Variants in EDAR observed in about 807,000 individuals in gnomAD.
EDAR encodes ectodysplasin A receptor, also known as tumor necrosis factor receptor superfamily member EDAR.
Under a neutral mutation model 51.3 loss-of-function variants are expected in EDAR, and 38 were observed. That is an observed-to-expected ratio of 0.74 (90% CI 0.57 to 0.97). The LOEUF (loss-of-function observed/expected upper bound fraction) is 0.97. Ranked by LOEUF, EDAR falls within the 50% of genes least tolerant of loss-of-function variation. The pLI is 0.00. For synonymous variants in EDAR, 227 were observed against 242.1 expected (o/e 0.94, Z 0.58); for missense variants, 528 against 595.0 (o/e 0.89, Z 1.17).
intron 1 of EDAR, 148 bp downstream of exon 1, chr2:108,988,812 A>G (rs780278314): frequency 5.3e-5 from 8 of 152,246 alleles, no homozygotes; most frequent in Non-Finnish European, 1.0e-4. Flanking sequence ...TAGCGCAGAC[A>G]TACTGCAATC....
intron 1 of EDAR, among the ~76,000 whole-genome samples, chr2:108,957,705 C>T (rs1478760709): frequency 6.6e-6 from 1 of 152,242 alleles, no homozygotes; most frequent in African/African-American, 2.4e-5. Context: ...ACCGGGCCTA[C>T]CAGGCGAGGC....
chr2:108,986,330 G>A (rs1240129422), intron 1 of EDAR, among the ~76,000 whole-genome samples: 1 of 152,198 alleles, frequency 6.6e-6, no homozygotes, highest in Non-Finnish European at 1.5e-5. Context: ...TCTGAGGACA[G>A]GAGATGAGTG....
intron 10 of EDAR, among the ~76,000 whole-genome samples, chr2:108,907,412 G>A (rs1292610045): frequency 3.3e-5 from 5 of 152,104 alleles, no homozygotes; most frequent in Admixed American, 6.5e-5. Flanking sequence ...TTGGAAGGCC[G>A]AGGCGGGTGG....
At chr2:108,917,344 C>T (rs565870411) in intron 5 of EDAR, among the ~76,000 whole-genome samples, 3 of 152,234 alleles carry the variant, frequency 2.0e-5, no homozygotes, top group East Asian at 1.9e-4. Flanking sequence ...AGCTCTGGCA[C>T]GCTGCAGGGT....
intron 4 of EDAR, among the ~76,000 whole-genome samples, chr2:108,927,422 C>A (rs570907782): frequency 6.6e-6 from 1 of 152,310 alleles, no homozygotes; most frequent in East Asian, 1.9e-4. Flanking sequence ...GAGCTCACCA[C>A]CCTTCCAGTG....
intron 8 of EDAR, 93 bp from the exon 9 acceptor site, chr2:108,910,625 C>T (rs1282339035): frequency 1.4e-6 from 2 of 1,409,470 alleles, no homozygotes; most frequent in African/African-American, 1.4e-5. Flanking sequence ...TTGGGCAGAG[C>T]TGCCCGGTGT....
intron 1 of EDAR, among the ~76,000 whole-genome samples, chr2:108,984,113 T>C (rs1698460400): frequency 6.6e-6 from 1 of 152,194 alleles, no homozygotes; most frequent in Non-Finnish European, 1.5e-5. Flanking sequence ...ATAATTTTTC[T>C]CAGAATGGAT....
intron 1 of EDAR, among the ~76,000 whole-genome samples, chr2:108,944,788 G>A (rs1424274761): frequency 6.6e-6 from 1 of 152,180 alleles, no homozygotes; most frequent in Non-Finnish European, 1.5e-5. Flanking sequence ...AGGTCACAGA[G>A]TCAAGGGAGA....
intron 1 of EDAR, among the ~76,000 whole-genome samples, chr2:108,956,074 G>C (rs181670950): frequency 6.6e-6 from 1 of 152,014 alleles, no homozygotes; most frequent in Non-Finnish European, 1.5e-5. Flanking sequence ...AACACTGTTC[G>C]GGCTACTTGT....
intron 4 of EDAR, among the ~76,000 whole-genome samples, chr2:108,928,712 T>C (rs1055014346): frequency 6.6e-5 from 10 of 152,238 alleles, no homozygotes; most frequent in African/African-American, 2.4e-4. Context: ...TTTATCTTTC[T>C]CTCTTTCAGG....
intron 1 of EDAR, among the ~76,000 whole-genome samples, chr2:108,936,324 A>G (rs1697467788): frequency 6.6e-6 from 1 of 152,238 alleles, no homozygotes; most frequent in South Asian, 2.1e-4. Flanking sequence ...GGCCTGGCCC[A>G]GCAGGGCTTG....
intron 4 of EDAR, among the ~76,000 whole-genome samples, chr2:108,925,149 C>T (rs1346169848): frequency 6.6e-6 from 1 of 152,244 alleles, no homozygotes; most frequent in Non-Finnish European, 1.5e-5. Flanking sequence ...TGGTCCCGCT[C>T]CTGGGCTGGG....
At chr2:108,961,167 C>A (rs1230631596) in intron 1 of EDAR, among the ~76,000 whole-genome samples, 1 of 152,200 alleles carries the variant, frequency 6.6e-6, no homozygotes, top group Non-Finnish European at 1.5e-5. Context: ...TGGGCCTGGC[C>A]CTGACTGGGT....
intron 1 of EDAR, among the ~76,000 whole-genome samples, chr2:108,937,632 T>G (rs9967881): frequency 0.015 from 2,224 of 149,996 alleles, 25 homozygotes; most frequent in South Asian, 0.031. Context: ...GTCTGTATGT[T>G]TATGTTTGTG....
At chr2:108,901,499 A>G (rs1383604037) in intron 11 of EDAR, among the ~76,000 whole-genome samples, 1 of 152,226 alleles carries the variant, frequency 6.6e-6, no homozygotes, top group Non-Finnish European at 1.5e-5. Flanking sequence ...TGAAATTGAA[A>G]ACTATAAAGT....
chr2:108,984,650 C>G (rs527562487), intron 1 of EDAR, among the ~76,000 whole-genome samples: 160 of 152,260 alleles, frequency 1.1e-3, no homozygotes, highest in African/African-American at 3.7e-3. Context: ...CCCACTACTA[C>G]CCTGGGCACC....
At chr2:108,931,566 T>C (rs1465603288) in intron 1 of EDAR, among the ~76,000 whole-genome samples, 1 of 152,202 alleles carries the variant, frequency 6.6e-6, no homozygotes, top group African/African-American at 2.4e-5. Context: ...GTTGAGATAG[T>C]GGGAGCCCAG....
chr2:108,955,956 G>C (rs1438733442), intron 1 of EDAR, among the ~76,000 whole-genome samples: 1 of 152,164 alleles, frequency 6.6e-6, no homozygotes, highest in Non-Finnish European at 1.5e-5. Context: ...GGGAACCCAG[G>C]AGGTGGAGCT....
intron 1 of EDAR, among the ~76,000 whole-genome samples, chr2:108,961,291 G>C (rs1248169351): frequency 4.0e-5 from 6 of 151,850 alleles, no homozygotes; most frequent in Admixed American, 1.3e-4. Context: ...ATAATTAAGA[G>C]GGGGAGACAC....
Sources: gnomAD v4.1 joint callset for allele counts (sites outside exome capture counted in the v4.1 genomes callset) on GRCh38, gnomAD v4.1.1 for gene constraint, MANE v1.5 for transcripts, NCBI Gene and HGNC (gene_info 2026-07-23, HGNC 2026-07-21) for gene names.